Variants in MAPK8IP3 observed in about 807,000 individuals in gnomAD.
The protein encoded by MAPK8IP3 is C-Jun-amino-terminal kinase-interacting protein 3.
In MAPK8IP3, 49 loss-of-function variants were observed where a neutral mutation model predicts 157.8. The observed-to-expected ratio is 0.31, with a 90% CI of 0.25 to 0.39. The LOEUF (loss-of-function observed/expected upper bound fraction) is 0.39, where lower values mean the gene tolerates loss of function less well. Ranked by LOEUF, MAPK8IP3 falls within the 10% of genes least tolerant of loss-of-function variation. The probability of loss-of-function intolerance (pLI) is 1.00; values close to 1 mark genes in which losing one functional copy is unlikely to be tolerated. For synonymous variants in MAPK8IP3, 897 were observed against 777.7 expected, an observed-to-expected ratio of 1.15 and a Z score of -2.55; for missense variants, 1,478 against 1,889.4, an observed-to-expected ratio of 0.78 and a Z score of 4.04.
rs564348178 is a variant in MAPK8IP3, at chr16:1,724,706, C to A, written c.439+29C>A. The A allele has an allele frequency of 1.2e-6, 2 of 1,604,286 alleles. No individual in the cohort carries two copies. The highest frequency in any genetic ancestry group is 1.7e-6 in the Non-Finnish European group (2 of 1,174,156). On this transcript the variant is annotated intron_variant, in intron 2 of 31. Coordinates refer to ENST00000610761, the MANE Select transcript of MAPK8IP3 (RefSeq NM_001318852.2). This position sits in a 1 kb window ranked among gnomAD's most constrained non-coding sequence, Gnocchi z 4.1. Reference sequence around the variant, plus strand: ...AGTGGCTGGCGGGAGCCTGGAGGCGCGCTTGATGGGCGCTGCTCTGGGACG... The same window carrying A: ...AGTGGCTGGCGGGAGCCTGGAGGCGAGCTTGATGGGCGCTGCTCTGGGACG...
At chr16:1,758,548 C>A (rs1269809753) in intron 9 of MAPK8IP3, among the ~76,000 whole-genome samples, 1 of 152,180 alleles carries the variant, frequency 6.6e-6, no homozygotes, top group Non-Finnish European at 1.5e-5. Context: ...GTCCCCTCCC[C>A]ACGTGGGTGG....
At chr16:1,763,230 G>A (rs965919356) in intron 16 of MAPK8IP3, among the ~76,000 whole-genome samples, 2 of 152,336 alleles carry the variant, frequency 1.3e-5, no homozygotes, top group African/African-American at 2.4e-5. Flanking sequence ...ATGTCCCTTG[G>A]CAGAGGCTGT....
At chr16:1,725,941 C>T (rs1158134446) in intron 2 of MAPK8IP3, among the ~76,000 whole-genome samples, 2 of 152,214 alleles carry the variant, frequency 1.3e-5, no homozygotes, top group Admixed American at 6.5e-5. Flanking sequence ...TCGTGATCCT[C>T]CCAAAGTGCT....
intron 1 of MAPK8IP3, chr16:1,707,862 T>G (rs921492233): frequency 2.6e-5 from 4 of 152,258 alleles, no homozygotes; most frequent in East Asian, 1.9e-4. Flanking sequence ...TAACACATTC[T>G]TGACTTTAAT....
chr16:1,743,640 G>A lies in MAPK8IP3; in HGVS notation c.747+164G>A. The A allele has an allele frequency of 6.9e-7, 1 of 1,441,980 alleles. No individual in the cohort carries two copies. The allele number at this position is 1,441,980 out of a possible 1,614,324, so 89.3% of individuals were successfully genotyped here. A position where few individuals can be genotyped will look rare whatever the true frequency, so the allele number is the denominator to read the frequency against. On this transcript the variant is annotated intron_variant, in intron 5 of 31. Transcript: ENST00000610761. This position sits in a 1 kb window ranked among gnomAD's most constrained non-coding sequence, Gnocchi z 5.6. ...TGGAGAAACCCAGCCAGGGTGTCAG[G>A]GGCTCAGGCTGCCCAGCAGGCCCTG...
At chr16:1,711,090 G>T (rs1483136543) in intron 1 of MAPK8IP3, among the ~76,000 whole-genome samples, 1 of 152,250 alleles carries the variant, frequency 6.6e-6, no homozygotes, top group East Asian at 1.9e-4. Flanking sequence ...AGAGAAGTCA[G>T]TTCTTCCAAA....
intron 6 of MAPK8IP3, 100 bp downstream of exon 6, chr16:1,747,375 G>T (rs2073785466): frequency 1.1e-5 from 16 of 1,484,666 alleles, no homozygotes; most frequent in Non-Finnish European, 1.3e-5. Context: ...AGTGCAGGCA[G>T]CAGAGACGTG....
At chr16:1,709,930 GC>G (rs2037659910) in intron 1 of MAPK8IP3, among the ~76,000 whole-genome samples, 1 of 152,218 alleles carries the variant, frequency 6.6e-6, no homozygotes, top group African/African-American at 2.4e-5. Flanking sequence ...CAGGCTCATG[GC>G]AGGCAGCTGG....
rs2042374014 is a variant in MAPK8IP3, at chr16:1,767,977, CG to C, written c.3523+63del. Reference sequence around the variant, plus strand: ...GCTGCCAGAGGTGTACGTGGGTTCACGGGGTGGCTCTGCAGGGCCACCTTGG... The same window carrying C: ...GCTGCCAGAGGTGTACGTGGGTTCACGGGTGGCTCTGCAGGGCCACCTTGG... On this transcript the variant is annotated intron_variant, in intron 28 of 31. Transcript: ENST00000610761. The C allele has an allele frequency of 5.0e-6, 8 of 1,607,478 alleles. No homozygotes were observed. In the Admixed American group the frequency reaches 1.2e-4, roughly 23 times the overall value.
chr16:1,756,187 C>T (rs557294626), intron 8 of MAPK8IP3, among the ~76,000 whole-genome samples: 10 of 152,100 alleles, frequency 6.6e-5, no homozygotes, highest in Non-Finnish European at 1.3e-4. Flanking sequence ...CTTGGGGGAG[C>T]GGGTACAGTG....
intron 8 of MAPK8IP3, among the ~76,000 whole-genome samples, chr16:1,749,369 C>T (rs1231639934): frequency 1.3e-5 from 2 of 152,170 alleles, no homozygotes; most frequent in African/African-American, 4.8e-5. Context: ...GGGAGGGTGC[C>T]CGCTTCTCTG....
chr16:1,729,601 G>A, intron 4 of MAPK8IP3, 23 bp downstream of exon 4: 1 of 1,572,690 alleles, frequency 6.4e-7, no homozygotes, highest in Non-Finnish European at 8.6e-7. Context: ...CGGCGGGGTG[G>A]AGGTACGCGG....
chr16:1,763,692 G>A lies in MAPK8IP3; in HGVS notation c.1934G>A (p.Arg645His). The change falls in exon 17 of 32, where the codon CGC becomes CAC. Residue 645 changes from arginine to histidine, a missense_variant. By Grantham distance (29) the Arg-to-His change is conservative. Around this residue, in one of 11 missense-constraint regions of MAPK8IP3, gnomAD observed 669 missense variants for 759.8 expected, o/e 0.88. Coordinates refer to ENST00000610761, the MANE Select transcript of MAPK8IP3 (RefSeq NM_001318852.2). The stretch of plus-strand genomic sequence containing the variant: ...TCCTCCGCCCGTCGAGAGCAGAAGC[G>A]CGAGCAGTACCGCCAGGTGCGTGAG... ...CTSSARREQKREQYRQVREHV... is the reference protein window; with the variant it reads ...CTSSARREQKHEQYRQVREHV... 6.3e-7 allele frequency: 1 copy of A among 1,594,296 alleles called. No homozygotes were observed. Among genetic ancestry groups the A allele is most frequent in the Non-Finnish European group, 8.6e-7 (1 of 1,169,134 alleles).
rs920406536 is a variant in MAPK8IP3 at position 1,758,296 on chromosome 16, C to A, written c.1228+137C>A. 2.5e-5 allele frequency: 23 copies of A among 926,396 alleles called. No homozygotes were observed. The African/African-American group carries it at 3.5e-4, about 14-fold the overall frequency. The allele number at this position is 926,396 out of a possible 1,614,324, so 57.4% of individuals were successfully genotyped here. ...TCGCCGCAGCGCCTCTGCTTCTGCTCGCAGCCACCGCCGCTCGGAAGCTTG... is the reference window on the plus strand; with the variant it reads ...TCGCCGCAGCGCCTCTGCTTCTGCTAGCAGCCACCGCCGCTCGGAAGCTTG... On this transcript the variant is annotated intron_variant, in intron 9 of 31. Coordinates refer to ENST00000610761, the MANE Select transcript of MAPK8IP3 (RefSeq NM_001318852.2).
At chr16:1,739,231 C>CGT (rs2040413915) in intron 4 of MAPK8IP3, among the ~76,000 whole-genome samples, 1 of 104,778 alleles carries the variant, frequency 9.5e-6, no homozygotes, top group African/African-American at 3.8e-5. Context: ...TGTGACCGTC[C>CGT]GTGAGAGTGT....
At chr16:1,758,027 C>A in intron 8 of MAPK8IP3, 121 bp from the exon 9 acceptor site, 1 of 1,008,876 alleles carries the variant, frequency 9.9e-7, no homozygotes, top group East Asian at 2.4e-5. Context: ...TGCCCTGCAA[C>A]ATGGGAGCAG....
At chr16:1,738,970 C>A (rs1374087983) in intron 4 of MAPK8IP3, among the ~76,000 whole-genome samples, 4 of 126,006 alleles carry the variant, frequency 3.2e-5, no homozygotes, top group African/African-American at 1.2e-4. Context: ...ATCTGTGTGA[C>A]CGTCCGTGTG....
intron 4 of MAPK8IP3, among the ~76,000 whole-genome samples, chr16:1,735,331 A>AGTGAGCGTCCATGTGAGCGT (rs1409687015): frequency 6.7e-6 from 1 of 148,578 alleles, no homozygotes; most frequent in African/African-American, 2.5e-5. Context: ...TGTCCATGTG[A>AGTGAGCGTCCATGTGAGCGT]GTGAGCGTCC....
At chr16:1,730,860 G>T (rs2039270499) in intron 4 of MAPK8IP3, among the ~76,000 whole-genome samples, 1 of 142,220 alleles carries the variant, frequency 7.0e-6, no homozygotes, top group Non-Finnish European at 1.5e-5. Context: ...AAAAAAAAGG[G>T]TAGGCACAGT....
Sources: allele counts gnomAD v4.1 joint callset (sites outside exome capture counted in the v4.1 genomes callset), GRCh38; gene constraint gnomAD v4.1.1; regional missense constraint gnomAD v4.1.1; non-coding constraint Gnocchi (gnomAD v3.1); transcripts MANE v1.5; gene names NCBI Gene and HGNC (gene_info 2026-07-23, HGNC 2026-07-21).